HDX: variants seen among roughly 807,000 people sequenced by gnomAD.
HDX encodes chromosome X open reading frame 43.
Under a neutral mutation model 45.2 loss-of-function variants are expected in HDX, and 19 were observed. The ratio of observed to expected loss-of-function variants is 0.42; its 90% confidence interval spans 0.29 to 0.62. The LOEUF is 0.62. Ranked by LOEUF, HDX falls within the 20% of genes least tolerant of loss-of-function variation. The pLI is 0.20. For missense variants in HDX, 532 were observed against 493.9 expected (o/e 1.08, Z -0.73); for synonymous variants, 188 against 172.8 (o/e 1.09, Z -0.69).
chrX:84,438,736 A>G (rs1003394604), intron 5 of HDX, among the ~76,000 whole-genome samples: 32 of 111,518 alleles, frequency 2.9e-4, no homozygotes, highest in African/African-American at 1.0e-3. Flanking sequence ...ATTCATTTTT[A>G]TGACTGCATA....
At chrX:84,458,126 G>GCC (rs1468096099) in intron 4 of HDX, among the ~76,000 whole-genome samples, 1 of 111,224 alleles carries the variant, frequency 9.0e-6, no homozygotes, top group African/African-American at 3.3e-5. Context: ...TCTGAAGAAG[G>GCC]CCTCAAGTCC....
chrX:84,332,372 A>G (rs1569277412), intron 9 of HDX, among the ~76,000 whole-genome samples: 2 of 111,661 alleles, frequency 1.8e-5, no homozygotes, highest in Non-Finnish European at 3.8e-5. Context: ...ATTTATTACA[A>G]TGGAAAACAC....
intron 4 of HDX, among the ~76,000 whole-genome samples, chrX:84,466,291 T>C (rs964480816): frequency 8.9e-5 from 10 of 112,132 alleles, no homozygotes; most frequent in Admixed American, 1.9e-4. Flanking sequence ...GAGCCTTGCA[T>C]AGATTTTTTT....
At chrX:84,429,845 T>G (rs1156364231) in intron 5 of HDX, among the ~76,000 whole-genome samples, 1 of 110,301 alleles carries the variant, frequency 9.1e-6, no homozygotes, top group Admixed American at 9.7e-5. Flanking sequence ...AAAGGTCCAT[T>G]TTTTTTGCAA....
At chrX:84,403,848 C>G (rs572037793) in intron 5 of HDX, 2 of 111,482 alleles carry the variant, frequency 1.8e-5, no homozygotes, top group African/African-American at 6.5e-5. Context: ...ATGTGATATC[C>G]ACTGAAAAGA....
In HDX at chrX:84,343,546, C is replaced by G. The variant is rs191052726; in HGVS notation, c.1660+704G>C. Among the ~76,000 whole-genome samples, 138 of 110,904 alleles carry G rather than the reference C, an allele frequency of 1.2e-3. 1 individual carries two copies. The highest frequency in any genetic ancestry group is 2.0e-3 in the Non-Finnish European group (106 of 52,793). ...CAAGCAATCATTTCACAACAGTCTC[C>G]CAAAGTGCTGAGATTAGAGGCATTA... On this transcript the variant is annotated intron_variant, in intron 7 of 10. Coordinates refer to ENST00000373177, the MANE Select transcript of HDX (RefSeq NM_001177479.2).
intron 4 of HDX, among the ~76,000 whole-genome samples, chrX:84,449,872 C>T (rs779491355): frequency 2.7e-5 from 3 of 110,864 alleles, no homozygotes; most frequent in East Asian, 2.9e-4. Flanking sequence ...AAACCAAACA[C>T]CACATGTTCT....
intron 5 of HDX, among the ~76,000 whole-genome samples, chrX:84,392,523 T>C (rs2038465314): frequency 9.0e-6 from 1 of 111,471 alleles, no homozygotes; most frequent in African/African-American, 3.3e-5. Context: ...ATAATTTTAA[T>C]GATCTAAATG....
chrX:84,333,815 T>C lies in HDX; in HGVS notation c.1768A>G (p.Ser590Gly). ...VKIEIIDDEE[S>G]DMISNSEVEQ... ...ACTTCAGAATTACTTATCATGTCAC[T>C]TTCTTCATCATCAATAATTTCTATT... Residue 590 changes from serine (S) to glycine (G), a missense_variant, in exon 9 of 11, where the codon AGT becomes GGT. Ser to Gly is a moderately conservative substitution (Grantham distance 56). This residue lies in a region of HDX where 151 missense variants were observed against 131.8 expected (regional missense o/e 1.15). Coordinates refer to ENST00000373177, the MANE Select transcript of HDX (RefSeq NM_001177479.2). The C allele has an allele frequency of 2.1e-6, 2 of 963,579 alleles. No individual in the cohort carries two copies. Among genetic ancestry groups the C allele is most frequent in the Non-Finnish European group, 2.9e-6 (2 of 681,264 alleles). 79.4% of individuals were successfully genotyped at this position (963,579 alleles called of 1,213,427 possible).
At chrX:84,355,325 C>A (rs1281614127) in intron 6 of HDX, among the ~76,000 whole-genome samples, 1 of 110,858 alleles carries the variant, frequency 9.0e-6, no homozygotes, top group Non-Finnish European at 1.9e-5. Flanking sequence ...AGGCATTAAA[C>A]TGAATTGTAG....
At chrX:84,433,292 A>G (rs1388997336) in intron 5 of HDX, among the ~76,000 whole-genome samples, 8 of 111,531 alleles carry the variant, frequency 7.2e-5, no homozygotes, top group Non-Finnish European at 1.1e-4. Context: ...CACACTACCT[A>G]TGTTTCTTTC....
At chrX:84,430,586 T>C (rs954773019) in intron 5 of HDX, among the ~76,000 whole-genome samples, 5 of 110,763 alleles carry the variant, frequency 4.5e-5, no homozygotes, top group African/African-American at 1.6e-4. Context: ...TTTCTTTGAG[T>C]AACCTCCAGC....
intron 4 of HDX, among the ~76,000 whole-genome samples, chrX:84,441,612 T>C (rs2039762570): frequency 8.9e-6 from 1 of 111,768 alleles, no homozygotes; most frequent in Non-Finnish European, 1.9e-5. Context: ...ATCAAACCTC[T>C]CTAGATAAAA....
chrX:84,467,066 T>C (rs1382981259), intron 4 of HDX, among the ~76,000 whole-genome samples: 4 of 111,227 alleles, frequency 3.6e-5, no homozygotes, highest in Non-Finnish European at 7.5e-5. Context: ...TATGATTCAA[T>C]GTTACTCTAA....
chrX:84,406,479 CACACACACACACACACACACAT>C (rs2038825756), intron 5 of HDX, among the ~76,000 whole-genome samples: 1 of 78,500 alleles, frequency 1.3e-5, no homozygotes, highest in African/African-American at 4.4e-5. Context: ...TACACACACA[CACACACACACACACACACACAT>C]ACACACACAC....
intron 6 of HDX, among the ~76,000 whole-genome samples, chrX:84,352,501 A>G (rs1293635876): frequency 1.8e-5 from 2 of 111,478 alleles, no homozygotes. Context: ...TAATTTTTGT[A>G]GGTATATATT....
chrX:84,402,255 T>G (rs1199044572), intron 5 of HDX, among the ~76,000 whole-genome samples: 1 of 112,082 alleles, frequency 8.9e-6, no homozygotes, highest in African/African-American at 3.2e-5. Context: ...CTGCCAATTT[T>G]GTTTTGAAAA....
chrX:84,444,518 G>C (rs373152018), intron 4 of HDX, among the ~76,000 whole-genome samples: 7 of 110,954 alleles, frequency 6.3e-5, no homozygotes, highest in Admixed American at 2.9e-4. Context: ...TTATGTGTAA[G>C]ATAGAAGAGA....
intron 5 of HDX, among the ~76,000 whole-genome samples, chrX:84,433,180 C>A (rs1266161398): frequency 2.7e-5 from 3 of 111,031 alleles, no homozygotes; most frequent in Admixed American, 9.6e-5. Flanking sequence ...TTGATACAAT[C>A]CGATTTATTT....
Sources: gnomAD v4.1 joint callset for allele counts (sites outside exome capture counted in the v4.1 genomes callset) on GRCh38, gnomAD v4.1.1 for gene constraint, gnomAD v4.1.1 regional missense constraint, MANE v1.5 for transcripts, NCBI Gene and HGNC (gene_info 2026-07-23, HGNC 2026-07-21) for gene names.